The following HECW2 variants were observed in gnomAD, a reference collection of about 807,000 sequenced individuals.
HECW2 encodes E3 ubiquitin-protein ligase HECW2.
Under a neutral mutation model 175.2 loss-of-function variants are expected in HECW2, and 61 were observed. The observed-to-expected ratio is 0.35, with a 90% CI of 0.28 to 0.43. The LOEUF is 0.43. HECW2 is among the 20% of genes least tolerant of loss of function. The pLI is 1.00. For missense variants in HECW2, 1,524 were observed against 2,000.5 expected (o/e 0.76, Z 4.54); for synonymous variants, 671 against 731.0 (o/e 0.92, Z 1.32).
intron 1 of HECW2, among the ~76,000 whole-genome samples, chr2:196,478,974 C>G (rs921527620): frequency 6.6e-6 from 1 of 152,196 alleles, no homozygotes; most frequent in African/African-American, 2.4e-5. Context: ...TGAAGAGCAA[C>G]ACAGCCAATG....
chr2:196,533,092 T>C (rs976225412), intron 1 of HECW2, among the ~76,000 whole-genome samples: 4 of 152,214 alleles, frequency 2.6e-5, no homozygotes, highest in Non-Finnish European at 4.4e-5. Flanking sequence ...TTAAATAAGA[T>C]TACAATTGCA....
chr2:196,219,065 A>T (rs936924464), intron 26 of HECW2, among the ~76,000 whole-genome samples: 26 of 152,152 alleles, frequency 1.7e-4, no homozygotes, highest in Non-Finnish European at 2.9e-4. Context: ...TACCTTTTTT[A>T]AAAAAAATCT....
chr2:196,522,041 C>T (rs1360159308), intron 1 of HECW2, among the ~76,000 whole-genome samples: 2 of 152,140 alleles, frequency 1.3e-5, no homozygotes, highest in Non-Finnish European at 2.9e-5. Flanking sequence ...AGTTCTAGAT[C>T]CCTGAGGAAT....
intron 2 of HECW2, among the ~76,000 whole-genome samples, chr2:196,396,021 G>A (rs1694652157): frequency 6.6e-6 from 1 of 152,120 alleles, no homozygotes; most frequent in African/African-American, 2.4e-5. Context: ...ACACACAATG[G>A]AACATGATCC....
At chr2:196,573,695 C>T (rs1041773273) in intron 1 of HECW2, among the ~76,000 whole-genome samples, 6 of 152,154 alleles carry the variant, frequency 3.9e-5, no homozygotes, top group Non-Finnish European at 5.9e-5. Flanking sequence ...CCGAACACTG[C>T]GGATGCCTCG....
At chr2:196,296,271 GA>G (rs994119801) in intron 13 of HECW2, among the ~76,000 whole-genome samples, 15 of 152,126 alleles carry the variant, frequency 9.9e-5, no homozygotes, top group African/African-American at 3.6e-4. Context: ...TAGAGACAAA[GA>G]AAACTACTTA....
chr2:196,315,468 T>A (rs1446641916), intron 10 of HECW2, among the ~76,000 whole-genome samples: 1 of 151,996 alleles, frequency 6.6e-6, no homozygotes, highest in Non-Finnish European at 1.5e-5. Flanking sequence ...CCACCCCACC[T>A]CAACTCTAAA....
At chr2:196,574,802 A>C (rs1690504582) in intron 1 of HECW2, among the ~76,000 whole-genome samples, 1 of 152,220 alleles carries the variant, frequency 6.6e-6, no homozygotes, top group African/African-American at 2.4e-5. Flanking sequence ...TAATCAAAAC[A>C]GTATGGTACC....
At chr2:196,425,244 C>T (rs796079790) in intron 2 of HECW2, among the ~76,000 whole-genome samples, 2 of 149,560 alleles carry the variant, frequency 1.3e-5, no homozygotes, top group East Asian at 2.0e-4. Context: ...AAAAAAACTG[C>T]GACAAGTCAC....
At chr2:196,284,507 G>GT (rs1441467241) in intron 14 of HECW2, among the ~76,000 whole-genome samples, 2 of 152,200 alleles carry the variant, frequency 1.3e-5, no homozygotes, top group African/African-American at 4.8e-5. Flanking sequence ...TGGGCCCACT[G>GT]TGTGACCTTG....
chr2:196,545,316 A>C (rs1363894801), intron 1 of HECW2, among the ~76,000 whole-genome samples: 1 of 152,162 alleles, frequency 6.6e-6, no homozygotes, highest in Non-Finnish European at 1.5e-5. Context: ...GTAATTAGTC[A>C]GATTGCTAAA....
At chr2:196,251,707 T>C (rs571757553) in intron 19 of HECW2, among the ~76,000 whole-genome samples, 7 of 152,290 alleles carry the variant, frequency 4.6e-5, no homozygotes, top group South Asian at 2.1e-4. Flanking sequence ...TTCAATTTGT[T>C]CCCTGGTCCC....
intron 2 of HECW2, among the ~76,000 whole-genome samples, chr2:196,379,508 ACCCCGTCTC>A (rs1399414936): frequency 2.0e-5 from 3 of 151,746 alleles, no homozygotes; most frequent in Non-Finnish European, 4.4e-5. Flanking sequence ...ACATGGTGAA[ACCCCGTCTC>A]TACTAAAAAT....
intron 1 of HECW2, among the ~76,000 whole-genome samples, chr2:196,582,435 G>A (rs1430950725): frequency 6.6e-6 from 1 of 152,104 alleles, no homozygotes; most frequent in Non-Finnish European, 1.5e-5. Flanking sequence ...GTATCTCCTT[G>A]CCCTTGCCTC....
intron 18 of HECW2, among the ~76,000 whole-genome samples, chr2:196,257,294 A>G (rs2105922818): frequency 6.6e-6 from 1 of 152,308 alleles, no homozygotes; most frequent in South Asian, 2.1e-4. Flanking sequence ...CGGGGGTGAA[A>G]ATAATTGGTC....
chr2:196,561,800 G>A (rs936462044), intron 1 of HECW2, among the ~76,000 whole-genome samples: 3 of 152,188 alleles, frequency 2.0e-5, no homozygotes, highest in African/African-American at 7.2e-5. Context: ...AAGAACTGAT[G>A]TCTTGGGATG....
intron 1 of HECW2, among the ~76,000 whole-genome samples, chr2:196,535,954 T>C (rs1206471072): frequency 6.6e-6 from 1 of 152,048 alleles, no homozygotes; most frequent in Non-Finnish European, 1.5e-5. Flanking sequence ...CACTAGACTA[T>C]GAAAAATACA....
chr2:196,518,657 A>C (rs1688238748), intron 1 of HECW2, among the ~76,000 whole-genome samples: 1 of 109,736 alleles, frequency 9.1e-6, no homozygotes, highest in Non-Finnish European at 1.7e-5. Flanking sequence ...TCTGTCTCAA[A>C]AAAAAAAAAA....
Position 196,319,401 on chromosome 2 carries a change from C to T in HECW2, c.1489G>A (p.Ala497Thr). 6.2e-7 allele frequency: 1 copy of T among 1,614,044 alleles called. No homozygotes were observed. ...GLIMFSRASR[A>T]DDGSLTSQTK... The stretch of plus-strand genomic sequence containing the variant: ...TGAGATGTCAGGCTTCCATCATCAG[C>T]TCTGGATGCCCTGCTAAACATGATC... The change falls in exon 9 of 29, where the codon GCT (alanine) becomes ACT (threonine). Residue 497 changes from alanine to threonine, a missense_variant. Transcript: ENST00000644978.
Sources: gnomAD v4.1 joint callset for allele counts (sites outside exome capture counted in the v4.1 genomes callset) on GRCh38, gnomAD v4.1.1 for gene constraint, MANE v1.5 for transcripts, NCBI Gene and HGNC (gene_info 2026-07-23, HGNC 2026-07-21) for gene names.